DST: variants seen among roughly 807,000 people sequenced by gnomAD.
The protein encoded by DST is dystonin.
DST carries 253 observed loss-of-function variants against 875.2 expected under a neutral mutation model. The observed-to-expected ratio is 0.29, with a 90% CI of 0.26 to 0.32. DST has a LOEUF of 0.32. Ranked by LOEUF, DST falls within the 10% of genes least tolerant of loss-of-function variation. The pLI is 1.00. For synonymous variants in DST, 3,124 were observed against 3,197.1 expected (o/e 0.98, Z 0.77); for missense variants, 8,287 against 9,111.6 (o/e 0.91, Z 3.68).
rs1824192707 is a variant in DST, at chr6:56,954,395, G to C, written c.181+12C>G. ...CTGGTAGCCCGCAGAAACCCGTCGC[G>C]GCGTGTCTTACCTCGGCTTCTTGAA... On this transcript the variant is annotated intron_variant, in intron 1 of 103. Coordinates refer to ENST00000680361, the MANE Select transcript of DST (RefSeq NM_001374736.1). 1 of 1,363,656 alleles carries C rather than the reference G, an allele frequency of 7.3e-7. No homozygotes were observed. The highest frequency in any genetic ancestry group is 1.1e-5 in the South Asian group (1 of 87,266). The allele number at this position is 1,363,656 out of a possible 1,614,324, so 84.5% of individuals were successfully genotyped here.
intron 2 of DST, among the ~76,000 whole-genome samples, chr6:56,913,567 T>C (rs1799637101): frequency 6.6e-6 from 1 of 152,152 alleles, no homozygotes; most frequent in African/African-American, 2.4e-5. Flanking sequence ...TCATATGACC[T>C]GCAAAGTCAA....
At chr6:56,953,860 T>C in intron 1 of DST, 41 bp from the exon 2 acceptor site, 2 of 1,290,942 alleles carry the variant, frequency 1.5e-6, no homozygotes, top group Non-Finnish European at 2.0e-6. Flanking sequence ...TTTAACTCCT[T>C]GTTCTTCACC....
intron 10 of DST, among the ~76,000 whole-genome samples, chr6:56,656,094 TC>T (rs2099006898): frequency 6.6e-6 from 1 of 152,272 alleles, no homozygotes; most frequent in Non-Finnish European, 1.5e-5. Flanking sequence ...TTGTTCCTTT[TC>T]TTTTCACTAA....
In DST at chr6:56,617,200, G is replaced by A. The variant is rs528551634; in HGVS notation, c.4930-2716C>T. The A allele has an allele frequency of 7.5e-6, 12 of 1,596,876 alleles. No homozygotes were observed. The South Asian group carries it at 1.4e-4, about 18-fold the overall frequency. Reference sequence around the variant, plus strand: ...CAGTCACAGTGTGCCTAAGCCCTTGGAATTTAAATTCATCATCCCTGACTG... The same window carrying A: ...CAGTCACAGTGTGCCTAAGCCCTTGAAATTTAAATTCATCATCCCTGACTG... On this transcript the variant is annotated intron_variant, in intron 36 of 103. Transcript: ENST00000680361.
At chr6:56,599,994 T>C in intron 45 of DST, 75 bp downstream of exon 45, 5 of 1,379,314 alleles carry the variant, frequency 3.6e-6, no homozygotes, top group Non-Finnish European at 4.9e-6. Context: ...TTTTCAATAA[T>C]CTTCACTGAC....
In DST at chr6:56,900,578, G is replaced by T; in HGVS notation, c.260C>A (p.Ala87Glu). Residue 87 changes from alanine (A) to glutamate (E), a missense_variant, in exon 3 of 104, where the codon GCG becomes GAG. Physicochemically the swap from Ala to Glu is moderately radical, Grantham distance 107 (BLOSUM62 -1). Around this residue, in one of 10 missense-constraint regions of DST, gnomAD observed 1,160 missense variants for 1,424.3 expected, o/e 0.81. Coordinates refer to ENST00000680361, the MANE Select transcript of DST (RefSeq NM_001374736.1). ...SPRHLRRRVA[A>E]AAAARLEEVK... is the part of the protein sequence containing the mutation. ...TTCTTCCAGACGGGCAGCTGCGGCC[G>T]CTGCAACTCGTCTTCTAAGATGCCG... 2 of 1,367,600 alleles carry T rather than the reference G, an allele frequency of 1.5e-6. No homozygotes were observed. Among genetic ancestry groups the T allele is most frequent in the Non-Finnish European group, 2.0e-6 (2 of 1,021,842 alleles). 84.7% of individuals were successfully genotyped at this position (1,367,600 alleles called of 1,614,324 possible).
intron 5 of DST, among the ~76,000 whole-genome samples, chr6:56,727,693 T>C (rs887084259): frequency 2.0e-4 from 30 of 152,182 alleles, no homozygotes; most frequent in Admixed American, 1.8e-3. Context: ...CCAGCCAAGA[T>C]AGAGTATATG....
chr6:56,618,365 T>C (rs781076493), intron 36 of DST: 1 of 1,614,098 alleles, frequency 6.2e-7, no homozygotes, highest in African/African-American at 1.3e-5. Flanking sequence ...TCCAGAGTGC[T>C]GGCACTCCTT....
chr6:56,571,582 T>C (rs796736735), intron 53 of DST, among the ~76,000 whole-genome samples: 5 of 152,328 alleles, frequency 3.3e-5, no homozygotes, highest in African/African-American at 1.2e-4. Context: ...CCTGTACAGC[T>C]TTTTAGCTCA....
intron 3 of DST, among the ~76,000 whole-genome samples, chr6:56,883,014 C>T (rs1349578136): frequency 3.3e-5 from 5 of 152,130 alleles, no homozygotes; most frequent in Admixed American, 2.6e-4. Flanking sequence ...ATTACAGGTG[C>T]GTGCCACCAC....
intron 4 of DST, among the ~76,000 whole-genome samples, chr6:56,808,833 C>A (rs2099756421): frequency 6.6e-6 from 1 of 152,186 alleles, no homozygotes; most frequent in East Asian, 1.9e-4. Context: ...ACATTTCCTC[C>A]CACCTGCTGG....
chr6:56,601,574 G>T lies in DST; in HGVS notation c.11410C>A (p.Gln3804Lys). The change falls in exon 44 of 104, where the codon CAA (glutamine) becomes AAA (lysine). Residue 3804 changes from glutamine (Q) to lysine (K), a missense_variant. Transcript: ENST00000680361. ...AAGAGCCTCAGCAGTTGTTTGCTTT[G>T]GTTGGGAGACAGATCCTGTGCATAT... Reference protein sequence around the residue: ...SEYAQDLSPNQSKQLLRLLNT... With the variant: ...SEYAQDLSPNKSKQLLRLLNT... 1 of 1,602,908 alleles carries T rather than the reference G, an allele frequency of 6.2e-7. No homozygotes were observed. The highest frequency in any genetic ancestry group is 8.5e-7 in the Non-Finnish European group (1 of 1,174,646).
chr6:56,613,615 G>A (rs2098573278), intron 37 of DST, among the ~76,000 whole-genome samples: 2 of 152,052 alleles, frequency 1.3e-5, no homozygotes, highest in African/African-American at 2.4e-5. Flanking sequence ...TTATCTTAGC[G>A]GAAATTTATT....
chr6:56,502,127 T>C (rs1209530023), intron 78 of DST, among the ~76,000 whole-genome samples: 1 of 152,092 alleles, frequency 6.6e-6, no homozygotes, highest in Non-Finnish European at 1.5e-5. Flanking sequence ...ACATCTTGTA[T>C]CCCCTGATAA....
chr6:56,862,735 G>T (rs79255095), intron 3 of DST, among the ~76,000 whole-genome samples: 1 of 152,114 alleles, frequency 6.6e-6, no homozygotes, highest in East Asian at 1.9e-4. Context: ...ATTGAAATTG[G>T]GGGGGAATGG....
At position 56,854,599 on chromosome 6, in the gene DST, A is replaced by T. The variant is rs529366865; in HGVS notation, c.418-2995T>A. The stretch of plus-strand genomic sequence containing the variant: ...GTGCATGTACATGTAATAGTTACCC[A>T]TATGTAAGTAGCGATTATCTTTGGG... On this transcript the variant is annotated intron_variant, in intron 3 of 103. Coordinates refer to ENST00000680361, the MANE Select transcript of DST (RefSeq NM_001374736.1). Among the ~76,000 whole-genome samples the T allele has an allele frequency of 3.9e-5, 6 of 152,352 alleles. No homozygotes were observed. The East Asian group carries it at 1.2e-3, about 29-fold the overall frequency.
chr6:56,659,052 CA>C (rs1355558959), intron 10 of DST, among the ~76,000 whole-genome samples: 1 of 152,112 alleles, frequency 6.6e-6, no homozygotes, highest in African/African-American at 2.4e-5. Flanking sequence ...GAAAAGCCAT[CA>C]AAATGCATTA....
At chr6:56,777,314 G>A (rs368313093) in intron 4 of DST, among the ~76,000 whole-genome samples, 1 of 152,072 alleles carries the variant, frequency 6.6e-6, no homozygotes, top group Admixed American at 6.5e-5. Context: ...AGAGAAATAC[G>A]AAGGCAAAAG....
intron 3 of DST, among the ~76,000 whole-genome samples, chr6:56,888,707 T>A (rs60962957): frequency 0.04 from 6,075 of 152,270 alleles, 380 homozygotes; most frequent in African/African-American, 0.14. Context: ...ACTACAAATA[T>A]GACAAAATCT....
Sources: gnomAD v4.1 joint callset for allele counts (sites outside exome capture counted in the v4.1 genomes callset) on GRCh38, gnomAD v4.1.1 for gene constraint, gnomAD v4.1.1 regional missense constraint, MANE v1.5 for transcripts, NCBI Gene and HGNC (gene_info 2026-07-23, HGNC 2026-07-21) for gene names.